The following TMEFF2 variants were observed in gnomAD, a reference collection of about 807,000 sequenced individuals.
TMEFF2 encodes transmembrane protein with EGF like and two follistatin like domains 2.
A neutral mutation model predicts 53.8 loss-of-function variants in TMEFF2; 28 were observed. The ratio of observed to expected loss-of-function variants is 0.52; its 90% CI spans 0.39 to 0.71. The LOEUF is 0.71. TMEFF2 is among the 30% of genes least tolerant of loss of function. TMEFF2 has a pLI of 0.00. For missense variants in TMEFF2, 353 were observed against 455.2 expected, an observed-to-expected ratio of 0.78 and a Z score of 2.04; for synonymous variants, 162 against 166.3, an observed-to-expected ratio of 0.97 and a Z score of 0.20.
chr2:192,164,978 C>CTGTGTGTATGTGTG, intron 4 of TMEFF2, among the ~76,000 whole-genome samples: 1 of 145,212 alleles, frequency 6.9e-6, no homozygotes, highest in East Asian at 2.1e-4. Context: ...TGAATAAAAA[C>CTGTGTGTATGTGTG]TGTGTGTGTG....
intron 7 of TMEFF2, among the ~76,000 whole-genome samples, chr2:191,964,340 CT>C: frequency 2.2e-5 from 1 of 46,424 alleles, no homozygotes; most frequent in Non-Finnish European, 4.5e-5. Context: ...TTCCTTCTTT[CT>C]TTCTTTCTTT....
chr2:192,050,055 A>G (rs1687729682), intron 5 of TMEFF2, among the ~76,000 whole-genome samples: 1 of 152,162 alleles, frequency 6.6e-6, no homozygotes, highest in Non-Finnish European at 1.5e-5. Flanking sequence ...GAAAACTGTT[A>G]AGTTAGTGGT....
chr2:191,991,379 T>C (rs946043124), intron 7 of TMEFF2, among the ~76,000 whole-genome samples: 1 of 152,090 alleles, frequency 6.6e-6, no homozygotes, highest in African/African-American at 2.4e-5. Context: ...CCCATAAAAA[T>C]CAATTCTCTT....
intron 4 of TMEFF2, among the ~76,000 whole-genome samples, chr2:192,135,293 TG>T (rs1283936121): frequency 6.6e-6 from 1 of 152,184 alleles, no homozygotes; most frequent in Non-Finnish European, 1.5e-5. Flanking sequence ...AAATAATCTT[TG>T]CTGGCAGGAC....
At chr2:192,158,859 C>T (rs1690569137) in intron 4 of TMEFF2, among the ~76,000 whole-genome samples, 1 of 152,000 alleles carries the variant, frequency 6.6e-6, no homozygotes, top group Admixed American at 6.6e-5. Context: ...GATAAAAATG[C>T]CAAATTATTC....
chr2:192,056,130 T>C (rs1326134949), intron 5 of TMEFF2, among the ~76,000 whole-genome samples: 1 of 152,136 alleles, frequency 6.6e-6, no homozygotes, highest in Admixed American at 6.5e-5. Context: ...TCATTTTCCT[T>C]AGATGAATTT....
chr2:192,072,510 G>GT (rs529667111), intron 4 of TMEFF2, among the ~76,000 whole-genome samples: 26 of 151,874 alleles, frequency 1.7e-4, no homozygotes, highest in African/African-American at 5.8e-4. Context: ...ACAACATCCT[G>GT]TACTGTTGCT....
At chr2:192,041,764 G>A (rs1265802906) in intron 5 of TMEFF2, among the ~76,000 whole-genome samples, 1 of 152,262 alleles carries the variant, frequency 6.6e-6, no homozygotes, top group East Asian at 1.9e-4. Context: ...TTCATACAGT[G>A]GAAATACTTT....
At chr2:192,001,372 ATTT>A (rs1247046887) in intron 5 of TMEFF2, among the ~76,000 whole-genome samples, 1 of 152,020 alleles carries the variant, frequency 6.6e-6, no homozygotes, top group African/African-American at 2.4e-5. Flanking sequence ...TTTTATTAAT[ATTT>A]ATGTTTTTGT....
intron 4 of TMEFF2, among the ~76,000 whole-genome samples, chr2:192,135,231 G>A (rs1384043648): frequency 1.3e-5 from 2 of 152,122 alleles, no homozygotes; most frequent in African/African-American, 4.8e-5. Context: ...CATCACAGCT[G>A]ATATCTCCTC....
At chr2:192,176,740 A>G (rs1691054027) in intron 4 of TMEFF2, 1 of 151,258 alleles carries the variant, frequency 6.6e-6, no homozygotes, top group African/African-American at 2.4e-5. Flanking sequence ...AATGACAGAC[A>G]TACCCTTGTG....
chr2:192,135,364 A>C (rs2105983214), intron 4 of TMEFF2, among the ~76,000 whole-genome samples: 1 of 143,502 alleles, frequency 7.0e-6, no homozygotes, highest in South Asian at 2.4e-4. Context: ...CAATTCTTAG[A>C]CCTTTTATAC....
At chr2:192,150,119 A>AAT (rs1322166579) in intron 4 of TMEFF2, among the ~76,000 whole-genome samples, 1 of 151,978 alleles carries the variant, frequency 6.6e-6, no homozygotes, top group East Asian at 1.9e-4. Flanking sequence ...AATTAATTAA[A>AAT]ATATAACTAA....
chr2:192,065,558 A>T (rs781665793), intron 4 of TMEFF2, among the ~76,000 whole-genome samples: 4 of 151,780 alleles, frequency 2.6e-5, no homozygotes, highest in Non-Finnish European at 5.9e-5. Context: ...TTTAGAATGC[A>T]CATTTCTGCT....
At chr2:192,069,982 GTGTGTGTATATATA>G (rs1349172002) in intron 4 of TMEFF2, among the ~76,000 whole-genome samples, 7 of 8,272 alleles carry the variant, frequency 8.5e-4, no homozygotes, top group African/African-American at 2.0e-3. Flanking sequence ...GTGTGTGTGT[GTGTGTGTATATATA>G]TATATATATA....
intron 5 of TMEFF2, among the ~76,000 whole-genome samples, chr2:192,044,871 C>G (rs1211276650): frequency 6.6e-6 from 1 of 152,068 alleles, no homozygotes; most frequent in African/African-American, 2.4e-5. Context: ...CCTGAGCTTC[C>G]CACCATGAAC....
At chr2:192,098,228 A>G (rs1209914739) in intron 4 of TMEFF2, among the ~76,000 whole-genome samples, 3 of 152,246 alleles carry the variant, frequency 2.0e-5, no homozygotes, top group Non-Finnish European at 4.4e-5. Flanking sequence ...ACATTCTATC[A>G]AGCAAAACAA....
At chr2:191,973,293 T>A (rs1413081275) in intron 7 of TMEFF2, among the ~76,000 whole-genome samples, 5 of 151,036 alleles carry the variant, frequency 3.3e-5, no homozygotes, top group Non-Finnish European at 7.4e-5. Context: ...TTAAATAATA[T>A]TATTATTTTA....
At chr2:191,964,515 G>A (rs913365528) in intron 7 of TMEFF2, among the ~76,000 whole-genome samples, 11 of 150,536 alleles carry the variant, frequency 7.3e-5, no homozygotes, top group African/African-American at 2.4e-4. Flanking sequence ...AGGGCTCTCC[G>A]TCAATTATCT....
Sources: allele counts gnomAD v4.1 joint callset (sites outside exome capture counted in the v4.1 genomes callset), GRCh38; gene constraint gnomAD v4.1.1; transcripts MANE v1.5; gene names NCBI Gene and HGNC (gene_info 2026-07-23, HGNC 2026-07-21).